Variants in SLC35A1 observed in about 807,000 individuals in gnomAD.
The protein encoded by SLC35A1 is CMP-sialic acid transporter.
In SLC35A1, 21 loss-of-function variants were observed where a neutral mutation model predicts 40.3. The observed-to-expected ratio is 0.52, with a 90% CI of 0.37 to 0.75. SLC35A1 has a LOEUF of 0.75. Ranked by LOEUF, SLC35A1 falls within the 30% of genes least tolerant of loss-of-function variation. The pLI, the probability that SLC35A1 is intolerant of heterozygous loss-of-function variation, is 0.00. For synonymous variants in SLC35A1, 146 were observed against 147.3 expected (o/e 0.99, Z 0.06); for missense variants, 297 against 382.1 (o/e 0.78, Z 1.86).
At position 87,505,622 on chromosome 6, in the gene SLC35A1, C is replaced by T. The variant is rs184293930; in HGVS notation, c.508-760C>T. Among the ~76,000 whole-genome samples, 14 of 152,238 alleles carry T rather than the reference C, an allele frequency of 9.2e-5. No homozygotes were observed. In the East Asian group the frequency reaches 1.9e-3, roughly 21 times the overall value. On this transcript the variant is annotated intron_variant, in intron 4 of 7. Coordinates refer to ENST00000369552, the MANE Select transcript of SLC35A1 (RefSeq NM_006416.5). ...TCTGGAGGCTGGGAAGTCCAGAACA[C>T]GGTGCTGGCATCTGGTGAGGCTCAT...
chr6:87,511,812 T>TAA lies in SLC35A1; in HGVS notation c.*293_*294dup, dbSNP rs11432150. 2.5e-6 allele frequency: 1 copy of TAA among 398,178 alleles called. No individual in the cohort carries two copies. The highest frequency in any genetic ancestry group is 2.1e-5 in the African/African-American group (1 of 48,594). The allele number at this position is 398,178 out of a possible 1,614,324, so 24.7% of individuals were successfully genotyped here. A position where few individuals can be genotyped will look rare whatever the true frequency, so the allele number is the denominator to read the frequency against. ...AAAAAGTATGGAGATGATACGGTGT[T>TAA]AAAAAAAATCATGGTAAGGCTACAA... is the stretch of plus-strand genomic sequence containing the variant. On this transcript the variant is annotated 3_prime_UTR_variant, in exon 8 of 8. Transcript: ENST00000369552.
chr6:87,494,092 C>T (rs1554165829), intron 2 of SLC35A1, among the ~76,000 whole-genome samples: 1 of 149,136 alleles, frequency 6.7e-6, no homozygotes, highest in Non-Finnish European at 1.5e-5. Context: ...TTTTTTAACA[C>T]AAGTATTTTA....
intron 2 of SLC35A1, among the ~76,000 whole-genome samples, chr6:87,497,589 T>C (rs564229513): frequency 6.6e-6 from 1 of 152,284 alleles, no homozygotes; most frequent in South Asian, 2.1e-4. Context: ...CAGCCTTTAT[T>C]GGTGCAGGTA....
chr6:87,492,078 G>T (rs1582179775), intron 2 of SLC35A1, among the ~76,000 whole-genome samples: 1 of 152,110 alleles, frequency 6.6e-6, no homozygotes, highest in Non-Finnish European at 1.5e-5. Context: ...TAGACAAGAT[G>T]CTTCTTTGTC....
chr6:87,500,369 A>G, intron 2 of SLC35A1, 139 bp from the exon 3 acceptor site: 1 of 821,712 alleles, frequency 1.2e-6, no homozygotes, highest in Non-Finnish European at 2.0e-6. Context: ...TTTTAATCTA[A>G]AACTAGTTAG....
At chr6:87,506,033 C>T (rs1770071026) in intron 4 of SLC35A1, among the ~76,000 whole-genome samples, 1 of 152,110 alleles carries the variant, frequency 6.6e-6, no homozygotes, top group African/African-American at 2.4e-5. Context: ...GCTATAAGCT[C>T]TTAAATTAGA....
chr6:87,509,702 A>C (rs769632327), intron 7 of SLC35A1, among the ~76,000 whole-genome samples: 1 of 152,152 alleles, frequency 6.6e-6, no homozygotes, highest in Non-Finnish European at 1.5e-5. Context: ...TCTTTGTTTC[A>C]TTCAATATGT....
At chr6:87,499,937 T>TA (rs1488485502) in intron 2 of SLC35A1, among the ~76,000 whole-genome samples, 7 of 152,160 alleles carry the variant, frequency 4.6e-5, no homozygotes, top group African/African-American at 1.7e-4. Context: ...CCAACAATAC[T>TA]AAAAATACAA....
At chr6:87,478,563 C>T (rs975292380) in intron 2 of SLC35A1, among the ~76,000 whole-genome samples, 47 of 152,044 alleles carry the variant, frequency 3.1e-4, no homozygotes, top group African/African-American at 1.1e-3. Flanking sequence ...AAATGTTACA[C>T]GACATTGTGA....
In SLC35A1 at chr6:87,511,897, T is replaced by TACTA. The variant is rs528535028; in HGVS notation, c.*375_*378dup. 657 of 299,870 alleles carry TACTA rather than the reference T, an allele frequency of 2.2e-3. 3 individuals are homozygous for TACTA. Among genetic ancestry groups the TACTA allele is most frequent in the African/African-American group, 0.012 (562 of 45,772 alleles). 18.6% of individuals were successfully genotyped at this position (299,870 alleles called of 1,614,324 possible). Reference sequence around the variant, plus strand: ...GGTTAAAGTGCCAAAGCCATTTCTGTACTAACTGTTCTCTTGTTCCGGTAC... The same window carrying TACTA: ...GGTTAAAGTGCCAAAGCCATTTCTGTACTAACTAACTGTTCTCTTGTTCCGGTAC... On this transcript the variant is annotated 3_prime_UTR_variant, in exon 8 of 8. Transcript: ENST00000369552.
At chr6:87,474,040 A>G (rs768392469) in intron 1 of SLC35A1, among the ~76,000 whole-genome samples, 2 of 152,272 alleles carry the variant, frequency 1.3e-5, no homozygotes, top group African/African-American at 2.4e-5. Context: ...AAATAAGTCC[A>G]ATCTTAAAAG....
intron 3 of SLC35A1, 27 bp from the exon 4 acceptor site, chr6:87,501,131 T>C: frequency 1.3e-6 from 2 of 1,566,834 alleles, no homozygotes; most frequent in African/African-American, 1.4e-5. Context: ...ATTAACTGAA[T>C]TTATTAATTC....
At chr6:87,473,638 T>G (rs898070666) in intron 1 of SLC35A1, among the ~76,000 whole-genome samples, 1 of 123,346 alleles carries the variant, frequency 8.1e-6, no homozygotes, top group Non-Finnish European at 1.8e-5. Context: ...GGGTGGAAGC[T>G]GAGATCCACC....
intron 4 of SLC35A1, among the ~76,000 whole-genome samples, chr6:87,504,573 T>G (rs1393009665): frequency 6.6e-6 from 1 of 152,200 alleles, no homozygotes; most frequent in African/African-American, 2.4e-5. Context: ...AAGTTTTACA[T>G]TTTTGAGTTT....
intron 2 of SLC35A1, among the ~76,000 whole-genome samples, chr6:87,498,228 A>G (rs1025865293): frequency 1.1e-4 from 16 of 152,160 alleles, no homozygotes; most frequent in African/African-American, 3.9e-4. Context: ...CCTTCTGGGT[A>G]TCACCTTAAA....
At chr6:87,505,899 A>G (rs1582194733) in intron 4 of SLC35A1, among the ~76,000 whole-genome samples, 1 of 152,226 alleles carries the variant, frequency 6.6e-6, no homozygotes, top group East Asian at 1.9e-4. Context: ...TGTATAGACA[A>G]TGTATCTGGT....
chr6:87,473,189 G>T (rs1003599719), intron 1 of SLC35A1, among the ~76,000 whole-genome samples, 170 bp downstream of exon 1: 15 of 152,228 alleles, frequency 9.9e-5, no homozygotes, highest in Non-Finnish European at 2.9e-5. Context: ...AGTCAGGGCA[G>T]CCTGCCTTCC....
intron 2 of SLC35A1, among the ~76,000 whole-genome samples, chr6:87,482,482 C>T (rs1769272946): frequency 6.6e-6 from 1 of 152,196 alleles, no homozygotes; most frequent in Non-Finnish European, 1.5e-5. Context: ...ATAGACCACT[C>T]CTTCCTGATT....
chr6:87,506,259 T>G, intron 4 of SLC35A1, 123 bp from the exon 5 acceptor site: 3 of 769,066 alleles, frequency 3.9e-6, no homozygotes, highest in Non-Finnish European at 2.3e-6. Context: ...GTAGAATAGC[T>G]GTGTCTGATG....
Sources: gnomAD v4.1 joint callset for allele counts (sites outside exome capture counted in the v4.1 genomes callset) on GRCh38, gnomAD v4.1.1 for gene constraint, MANE v1.5 for transcripts, NCBI Gene and HGNC (gene_info 2026-07-23, HGNC 2026-07-21) for gene names.